SLC39A13: variants seen among roughly 807,000 people sequenced by gnomAD.
SLC39A13 encodes solute carrier family 39 member 13, also known as zinc transporter ZIP13.
In SLC39A13, 18 loss-of-function variants were observed where a neutral mutation model predicts 38.7. The observed-to-expected ratio is 0.47, with a 90% CI of 0.32 to 0.69. The LOEUF (loss-of-function observed/expected upper bound fraction) is 0.69. SLC39A13 is among the 30% of genes least tolerant of loss of function. The pLI, the probability that SLC39A13 is intolerant of heterozygous loss-of-function variation, is 0.03. For synonymous variants in SLC39A13, 212 were observed against 219.1 expected (o/e 0.97, Z 0.29); for missense variants, 395 against 490.7 (o/e 0.80, Z 1.84).
In SLC39A13 at chr11:47,413,748, T is replaced by A. The variant is rs546429905; in HGVS notation, c.735+62T>A. The stretch of plus-strand genomic sequence containing the variant: ...CAGTGGCAGCCATGTGGATTCCACC[T>A]GTGTCTGGAGTCTCTGCTTCTTGCC... On this transcript the variant is annotated intron_variant, in intron 6 of 9. Transcript: ENST00000362021. 20 of 1,546,346 alleles carry A rather than the reference T, an allele frequency of 1.3e-5. No homozygotes were observed. In the East Asian group the frequency reaches 3.0e-4, roughly 23 times the overall value.
rs765260943 is a variant in SLC39A13 at position 47,412,055 on chromosome 11, C to T, written c.415+16C>T. The T allele has an allele frequency of 3.0e-5, 48 of 1,597,690 alleles. 1 individual carries two copies. In the Middle Eastern group the frequency reaches 5.4e-4, roughly 18 times the overall value. On this transcript the variant is annotated intron_variant, in intron 3 of 9. Coordinates refer to ENST00000362021, the MANE Select transcript of SLC39A13 (RefSeq NM_001128225.3). ...GCCAGCCCTGGTAAGTGAGGCCACA[C>T]GCCAGGGGCAAGACAGTGCCAGGAG...
upstream of SLC39A13, among the ~76,000 whole-genome samples, chr11:47,408,375 C>T (rs1322135364): frequency 6.6e-6 from 1 of 152,074 alleles, no homozygotes; most frequent in Non-Finnish European, 1.5e-5. Flanking sequence ...CACTTCCGAC[C>T]GACCCTCCCC....
chr11:47,409,790 T>A (rs2095988207), intron 1 of SLC39A13: 1 of 369,018 alleles, frequency 2.7e-6, no homozygotes. Flanking sequence ...CGCCGGTGGC[T>A]GAGGAGAGCC....
In SLC39A13 at chr11:47,415,347, C is replaced by T. The variant is rs777112793; in HGVS notation, c.1100C>T (p.Ser367Leu). 6 of 1,614,056 alleles carry T rather than the reference C, an allele frequency of 3.7e-6. No homozygotes were observed. Among genetic ancestry groups the T allele is most frequent in the East Asian group, 2.2e-5 (1 of 44,884 alleles). Residue 367 changes from serine (S) to leucine (L), a missense_variant, in exon 10 of 10, where the codon TCG becomes TTG. Physicochemically the swap from Ser to Leu is moderately radical, Grantham distance 145. Transcript: ENST00000362021. ...GGCATCGTGGTAATGGTGCTGTTCT[C>T]GCTCTTCGTGGATTAACTTTCCCTG... ...CAGIVVMVLFSLFVD is the reference protein window; with the variant it reads ...CAGIVVMVLFLLFVD
rs754558033 is a variant in SLC39A13, at chr11:47,410,189, G to T, written c.95G>T (p.Gly32Val). ...CTGGAGCTCTTGGAAAGGGCTGGGGGTTCCCAGCCGGCCCTCCGGAGCCGG... is the reference window on the plus strand; with the variant it reads ...CTGGAGCTCTTGGAAAGGGCTGGGGTTTCCCAGCCGGCCCTCCGGAGCCGG... ...LALELLERAG[G>V]SQPALRSRGT... Residue 32 changes from glycine to valine, a missense_variant, in exon 2 of 10, where the codon GGT becomes GTT. Coordinates refer to ENST00000362021, the MANE Select transcript of SLC39A13 (RefSeq NM_001128225.3). 1.4e-5 allele frequency: 23 copies of T among 1,613,650 alleles called. No homozygotes were observed. The highest frequency in any genetic ancestry group is 1.6e-4 in the Middle Eastern group (1 of 6,082).
intron 1 of SLC39A13, among the ~76,000 whole-genome samples, chr11:47,409,369 C>A (rs2095985468): frequency 6.6e-6 from 1 of 152,226 alleles, no homozygotes; most frequent in Non-Finnish European, 1.5e-5. Flanking sequence ...AGGCTTATCT[C>A]GTCCTCACAG....
intron 7 of SLC39A13, 75 bp downstream of exon 7, chr11:47,414,550 G>T: frequency 6.4e-7 from 1 of 1,573,094 alleles, no homozygotes. Context: ...GTGGAGCTCA[G>T]GAGGGTGTGG....
chr11:47,414,173 C>T, intron 6 of SLC39A13: 2 of 613,398 alleles, frequency 3.3e-6, no homozygotes, highest in South Asian at 2.0e-5. Context: ...GCCTGCTCCC[C>T]TGGGCACTCT....
At position 47,411,995 on chromosome 11, in the gene SLC39A13, A is replaced by T. The variant is rs2096001766; in HGVS notation, c.371A>T (p.His124Leu). ...GGACTCTTGGGCAATGTGTTTCTGC[A>T]TCTGCTGCCCGAAGCCTGGGCCTAC... ...LGGLLGNVFL[H>L]LLPEAWAYTC... The change falls in exon 3 of 10, where the codon CAT becomes CTT. Residue 124 changes from histidine to leucine, a missense_variant. Coordinates refer to ENST00000362021, the MANE Select transcript of SLC39A13 (RefSeq NM_001128225.3). 2 of 1,613,768 alleles carry T rather than the reference A, an allele frequency of 1.2e-6. No individual in the cohort carries two copies. The highest frequency in any genetic ancestry group is 1.7e-6 in the Non-Finnish European group (2 of 1,179,940).
At chr11:47,414,668 CA>C in intron 7 of SLC39A13, 108 bp from the exon 8 acceptor site, 5 of 1,570,562 alleles carry the variant, frequency 3.2e-6, no homozygotes, top group Non-Finnish European at 4.3e-6. Flanking sequence ...ATGGGGGTCC[CA>C]GGGGAAGGGT....
Position 47,415,491 on chromosome 11 carries a change from A to C in SLC39A13, c.*128A>C. ...GAGAATGAGCCTCCCGCCAGACAGG[A>C]GGGAGGTGCGTGTGGATGTATGTGG... On this transcript the variant is annotated 3_prime_UTR_variant, in exon 10 of 10. Coordinates refer to ENST00000362021, the MANE Select transcript of SLC39A13 (RefSeq NM_001128225.3). The C allele has an allele frequency of 1.9e-6, 2 of 1,037,822 alleles. No individual in the cohort carries two copies. The highest frequency in any genetic ancestry group is 3.0e-6 in the Non-Finnish European group (2 of 677,498). 64.3% of individuals were successfully genotyped at this position (1,037,822 alleles called of 1,614,324 possible).
In SLC39A13 at chr11:47,415,081, T is replaced by G. The variant is rs1313665494; in HGVS notation, c.962T>G (p.Leu321Arg). The G allele has an allele frequency of 6.2e-7, 1 of 1,613,502 alleles. No individual in the cohort carries two copies. ...GCAGAGGAGACGGCAGCCTGGGTCCTGCCCTTCACCTCTGGCGGCTTTCTC... is the reference window on the plus strand; with the variant it reads ...GCAGAGGAGACGGCAGCCTGGGTCCGGCCCTTCACCTCTGGCGGCTTTCTC... ...PAAEETAAWV[L>R]PFTSGGFLYI... is the part of the protein sequence containing the mutation. Residue 321 changes from leucine (L) to arginine (R), a missense_variant, in exon 9 of 10, where the codon CTG (leucine) becomes CGG (arginine). Physicochemically the swap from Leu to Arg is moderately radical, Grantham distance 102 (BLOSUM62 -2). Coordinates refer to ENST00000362021, the MANE Select transcript of SLC39A13 (RefSeq NM_001128225.3).
At chr11:47,414,581 G>A (rs2096016336) in intron 7 of SLC39A13, 106 bp downstream of exon 7, 2 of 1,503,258 alleles carry the variant, frequency 1.3e-6, no homozygotes, top group Non-Finnish European at 1.8e-6. Flanking sequence ...GTCCAGCATG[G>A]CACTCTGGGG....
chr11:47,408,164 C>T (rs2095978756), upstream of SLC39A13, among the ~76,000 whole-genome samples: 1 of 152,248 alleles, frequency 6.6e-6, no homozygotes, highest in Non-Finnish European at 1.5e-5. Flanking sequence ...AGCAGGAGCG[C>T]ACAGTAGTCC....
At chr11:47,408,011 C>G (rs1389510968), upstream of SLC39A13, among the ~76,000 whole-genome samples, 1 of 152,218 alleles carries the variant, frequency 6.6e-6, no homozygotes, top group Non-Finnish European at 1.5e-5. Flanking sequence ...CCTGAGGTTC[C>G]CAGTGAAAAA....
At position 47,413,345 on chromosome 11, in the gene SLC39A13, C is replaced by T; in HGVS notation, c.538-55C>T. The T allele has an allele frequency of 4.5e-6, 7 of 1,556,982 alleles. No homozygotes were observed. In the South Asian group the frequency reaches 7.8e-5, roughly 17 times the overall value. On this transcript the variant is annotated intron_variant, in intron 4 of 9. Coordinates refer to ENST00000362021, the MANE Select transcript of SLC39A13 (RefSeq NM_001128225.3). Reference sequence around the variant, plus strand: ...TCCATCTCTCTCCCCTTCTGTCTGCCCTGGCTGAGTGGGGGGCATCTAATG... The same window carrying T: ...TCCATCTCTCTCCCCTTCTGTCTGCTCTGGCTGAGTGGGGGGCATCTAATG...
intron 1 of SLC39A13, chr11:47,409,712 C>T (rs2095987402): frequency 7.0e-6 from 2 of 284,856 alleles, no homozygotes; most frequent in East Asian, 9.5e-5. Flanking sequence ...GTGCCTCAGT[C>T]TCTGGGGTGT....
rs11602837 is a variant in SLC39A13, at chr11:47,415,482, C to T, written c.*119C>T. On this transcript the variant is annotated 3_prime_UTR_variant, in exon 10 of 10. Transcript: ENST00000362021. ...GCTGCGAGAGAGAATGAGCCTCCCG[C>T]CAGACAGGAGGGAGGTGCGTGTGGA... The T allele has an allele frequency of 0.045, 52,177 of 1,156,080 alleles. 1,392 individuals carry two copies. The highest frequency in any genetic ancestry group is 0.064 in the Middle Eastern group (332 of 5,212). 71.6% of individuals were successfully genotyped at this position (1,156,080 alleles called of 1,614,324 possible). A position where few individuals can be genotyped will look rare whatever the true frequency, so the allele number is the denominator to read the frequency against.
Position 47,409,960 on chromosome 11 carries a change from G to A in SLC39A13, c.-8-127G>A, listed in dbSNP as rs899691592. 24 of 1,105,464 alleles carry A rather than the reference G, an allele frequency of 2.2e-5. No homozygotes were observed. The African/African-American group carries it at 3.5e-4, about 16-fold the overall frequency. The allele number at this position is 1,105,464 out of a possible 1,614,324, so 68.5% of individuals were successfully genotyped here. On this transcript the variant is annotated intron_variant, in intron 1 of 9. Transcript: ENST00000362021. ...GCACCCAGCATTTGGATGCTCAGAC[G>A]CTCTGGCAAGGACAGCAGGAGGGTG...
Sources: gnomAD v4.1 joint callset for allele counts (sites outside exome capture counted in the v4.1 genomes callset) on GRCh38, gnomAD v4.1.1 for gene constraint, MANE v1.5 for transcripts, NCBI Gene and HGNC (gene_info 2026-07-23, HGNC 2026-07-21) for gene names.